The following PARD3 variants were observed in gnomAD, a reference collection of about 807,000 sequenced individuals.
The protein encoded by PARD3 is partitioning defective 3 homolog.
A neutral mutation model predicts 155.4 loss-of-function variants in PARD3; 75 were observed. That is an observed-to-expected ratio of 0.48 (90% CI 0.40 to 0.58). The LOEUF (loss-of-function observed/expected upper bound fraction) is 0.58, where lower values mean the gene tolerates loss of function less well. Ranked by LOEUF, PARD3 falls within the 20% of genes least tolerant of loss-of-function variation. The probability of loss-of-function intolerance (pLI) is 0.00; values close to 1 mark genes in which losing one functional copy is unlikely to be tolerated. For missense variants in PARD3, 1,642 were observed against 1,721.7 expected (o/e 0.95, Z 0.82); for synonymous variants, 576 against 610.5 (o/e 0.94, Z 0.83).
chr10:34,801,573 A>G (rs1842846007), intron 1 of PARD3, among the ~76,000 whole-genome samples: 1 of 152,164 alleles, frequency 6.6e-6, no homozygotes. Flanking sequence ...GCCACTCCCT[A>G]TTTAGTATGA....
intron 22 of PARD3, among the ~76,000 whole-genome samples, chr10:34,209,611 G>C (rs1951643251): frequency 6.6e-6 from 1 of 152,282 alleles, no homozygotes; most frequent in South Asian, 2.1e-4. Context: ...GGGTCAGAGA[G>C]ACATAGGTTC....
At position 34,446,749 on chromosome 10, in the gene PARD3, T is replaced by C. The variant is rs1390140263; in HGVS notation, c.714+3568A>G. Among the ~76,000 whole-genome samples, 3 of 152,206 alleles carry C rather than the reference T, an allele frequency of 2.0e-5. No homozygotes were observed. The East Asian group carries it at 5.8e-4, about 29-fold the overall frequency. On this transcript the variant is annotated intron_variant, in intron 5 of 24. Coordinates refer to ENST00000374788, the MANE Select transcript of PARD3 (RefSeq NM_001184785.2). ...GCTAACACTTAATATATGACAAAAT[T>C]AGGACATTTCCTGTGCCATCACGGT... is the stretch of plus-strand genomic sequence containing the variant.
intron 2 of PARD3, 28 bp downstream of exon 2, chr10:34,696,290 G>A (rs1321975050): frequency 2.9e-6 from 4 of 1,367,288 alleles, no homozygotes; most frequent in Middle Eastern, 3.6e-4. Context: ...AATGCATTCA[G>A]AACAGGTTCC....
intron 2 of PARD3, among the ~76,000 whole-genome samples, chr10:34,592,570 G>A (rs2088810600): frequency 6.6e-6 from 1 of 152,176 alleles, no homozygotes; most frequent in South Asian, 2.1e-4. Context: ...GAGGTCAGGA[G>A]TTTGAGATCA....
chr10:34,640,945 G>A (rs1022131243), intron 2 of PARD3, among the ~76,000 whole-genome samples: 8 of 151,962 alleles, frequency 5.3e-5, no homozygotes, highest in African/African-American at 1.9e-4. Flanking sequence ...ATCAAAAAAG[G>A]GTGGAATGAG....
intron 15 of PARD3, among the ~76,000 whole-genome samples, chr10:34,343,047 A>C (rs766565792): frequency 1.3e-5 from 2 of 152,206 alleles, no homozygotes; most frequent in Non-Finnish European, 2.9e-5. Flanking sequence ...GTATTAGAAT[A>C]TTAGGATAGA....
intron 1 of PARD3, among the ~76,000 whole-genome samples, chr10:34,744,554 G>A (rs781710273): frequency 6.6e-6 from 1 of 152,172 alleles, no homozygotes; most frequent in East Asian, 1.9e-4. Context: ...GCTTACCAGC[G>A]TTTCACTGGA....
At chr10:34,741,174 A>ATTTTTTTTTTTTTTTTTTTTTTTTT (rs71033345) in intron 1 of PARD3, among the ~76,000 whole-genome samples, 4 of 114,308 alleles carry the variant, frequency 3.5e-5, no homozygotes, top group East Asian at 2.9e-4. Flanking sequence ...CGTAAACCAA[A>ATTTTTTTTTTTTTTTTTTTTTTTTT]TTTTTTTTTT....
chr10:34,217,802 T>C (rs1952076133), intron 22 of PARD3, among the ~76,000 whole-genome samples: 2 of 152,128 alleles, frequency 1.3e-5, no homozygotes. Context: ...AGGAACACAA[T>C]GTTGAACAAG....
chr10:34,775,995 C>T (rs1005324957), intron 1 of PARD3, among the ~76,000 whole-genome samples: 2 of 152,116 alleles, frequency 1.3e-5, no homozygotes, highest in African/African-American at 4.8e-5. Flanking sequence ...GAGACCAAGG[C>T]AGAAGGATTG....
intron 20 of PARD3, among the ~76,000 whole-genome samples, chr10:34,288,223 C>CAGATTCAAGATGAATGTATGA (rs1956497420): frequency 6.6e-6 from 1 of 152,008 alleles, no homozygotes; most frequent in Non-Finnish European, 1.5e-5. Context: ...AAAAAGAATA[C>CAGATTCAAGATGAATGTATGA]AGATTCAAGA....
At chr10:34,419,788 C>A (rs1460680153) in intron 5 of PARD3, among the ~76,000 whole-genome samples, 1 of 152,212 alleles carries the variant, frequency 6.6e-6, no homozygotes, top group Non-Finnish European at 1.5e-5. Flanking sequence ...GAAAACAATT[C>A]TCTATTATTT....
At chr10:34,643,997 G>A (rs2092759307) in intron 2 of PARD3, among the ~76,000 whole-genome samples, 1 of 152,168 alleles carries the variant, frequency 6.6e-6, no homozygotes, top group Admixed American at 6.5e-5. Context: ...ATGTGCCTTC[G>A]TGTGCACACA....
intron 22 of PARD3, among the ~76,000 whole-genome samples, chr10:34,167,807 T>C (rs767388698): frequency 9.9e-5 from 15 of 152,218 alleles, no homozygotes; most frequent in Admixed American, 6.5e-5. Flanking sequence ...AAGATGTATT[T>C]AATTTCTAAT....
intron 2 of PARD3, among the ~76,000 whole-genome samples, chr10:34,587,405 C>T (rs2088183686): frequency 6.6e-6 from 1 of 152,152 alleles, no homozygotes. Context: ...AAGCCTGACC[C>T]ATGAGTTTTA....
At chr10:34,510,842 C>T (rs2081359990) in intron 3 of PARD3, among the ~76,000 whole-genome samples, 1 of 152,104 alleles carries the variant, frequency 6.6e-6, no homozygotes, top group Non-Finnish European at 1.5e-5. Context: ...ATAAATAACT[C>T]ATTACATACT....
intron 4 of PARD3, among the ~76,000 whole-genome samples, chr10:34,458,823 T>G (rs1254251855): frequency 2.0e-5 from 3 of 152,202 alleles, no homozygotes; most frequent in Non-Finnish European, 4.4e-5. Context: ...CTTGCTTTCC[T>G]GCACAGTATT....
At chr10:34,536,917 G>C (rs1426806033) in intron 2 of PARD3, among the ~76,000 whole-genome samples, 1 of 152,158 alleles carries the variant, frequency 6.6e-6, no homozygotes, top group Non-Finnish European at 1.5e-5. Flanking sequence ...CCCCTAGGTG[G>C]GTAACTGAGC....
At chr10:34,433,600 T>C (rs914193720) in intron 5 of PARD3, among the ~76,000 whole-genome samples, 1 of 152,178 alleles carries the variant, frequency 6.6e-6, no homozygotes, top group Non-Finnish European at 1.5e-5. Context: ...AAAGCCCAGA[T>C]TTCTGCTGAT....
Sources: gnomAD v4.1 joint callset for allele counts (sites outside exome capture counted in the v4.1 genomes callset) on GRCh38, gnomAD v4.1.1 for gene constraint, MANE v1.5 for transcripts, NCBI Gene and HGNC (gene_info 2026-07-23, HGNC 2026-07-21) for gene names.